The following BANK1 variants were observed in gnomAD, a reference collection of about 807,000 sequenced individuals.
The protein encoded by BANK1 is B-cell scaffold protein with ankyrin repeats.
BANK1 carries 95 observed loss-of-function variants against 94.5 expected under a neutral mutation model. That is an observed-to-expected ratio of 1.00 (90% CI 0.85 to 1.19). The LOEUF (loss-of-function observed/expected upper bound fraction) is 1.19, where lower values mean the gene tolerates loss of function less well. Among genes scored for constraint, BANK1 ranks in the 50% most tolerant of loss-of-function variants. BANK1 has a pLI of 0.00. For missense variants in BANK1, 987 were observed against 932.2 expected (o/e 1.06, Z -0.77); for synonymous variants, 334 against 308.4 (o/e 1.08, Z -0.87).
chr4:101,900,901 G>C (rs1722262047), intron 6 of BANK1, among the ~76,000 whole-genome samples: 1 of 152,164 alleles, frequency 6.6e-6, no homozygotes, highest in South Asian at 2.1e-4. Flanking sequence ...GCAAACATCT[G>C]AGTCCTACGC....
intron 9 of BANK1, among the ~76,000 whole-genome samples, chr4:102,028,401 A>G (rs1727174107): frequency 6.6e-6 from 1 of 152,234 alleles, no homozygotes; most frequent in Non-Finnish European, 1.5e-5. Flanking sequence ...TCTTAAGTTA[A>G]ACTAAATGAA....
At chr4:101,908,095 CA>C in intron 6 of BANK1, among the ~76,000 whole-genome samples, 1 of 152,276 alleles carries the variant, frequency 6.6e-6, no homozygotes, top group African/African-American at 2.4e-5. Context: ...CCCGCATTGC[CA>C]AGTCAATCCT....
intron 7 of BANK1, among the ~76,000 whole-genome samples, chr4:101,995,515 C>T (rs990706801): frequency 6.6e-5 from 10 of 151,738 alleles, no homozygotes; most frequent in Non-Finnish European, 1.3e-4. Flanking sequence ...CCTGAGGAAT[C>T]GCCACACTGA....
In BANK1 at chr4:101,918,180, A is replaced by G. The variant is rs781638589; in HGVS notation, c.1197A>G (p.Glu399=). ...ACAAAGAACTCAAGAAAATCTTCGA[A>G]GACTTTTCAGTAAGTTTTTTTTTTA... The part of the protein sequence containing the change: ...HGHKELKKIF[E]DFSIQEIDIN... The change falls in exon 7 of 17, where the codon GAA becomes GAG. Residue 399 remains glutamate (E), a synonymous_variant. Coordinates refer to ENST00000322953, the MANE Select transcript of BANK1 (RefSeq NM_017935.5). 4.5e-6 allele frequency: 7 copies of G among 1,567,968 alleles called. No homozygotes were observed. Among genetic ancestry groups the G allele is most frequent in the Non-Finnish European group, 6.1e-6 (7 of 1,154,506 alleles).
At chr4:101,982,578 A>T (rs1455558506) in intron 7 of BANK1, among the ~76,000 whole-genome samples, 3 of 152,036 alleles carry the variant, frequency 2.0e-5, no homozygotes, top group Non-Finnish European at 2.9e-5. Context: ...ATAACTTTTT[A>T]AAGCACTTTT....
chr4:101,980,814 A>G (rs759436614), intron 7 of BANK1, among the ~76,000 whole-genome samples: 42 of 151,596 alleles, frequency 2.8e-4, no homozygotes, highest in Non-Finnish European at 7.4e-5. Context: ...CATTTTTGTT[A>G]AGTTTATTTC....
intron 1 of BANK1, among the ~76,000 whole-genome samples, chr4:101,809,969 C>T (rs951542892): frequency 6.6e-6 from 1 of 152,092 alleles, no homozygotes; most frequent in Non-Finnish European, 1.5e-5. Context: ...TGCTAATCAG[C>T]TGACTTTGAG....
At chr4:101,965,188 A>G (rs1724710461) in intron 7 of BANK1, among the ~76,000 whole-genome samples, 1 of 151,954 alleles carries the variant, frequency 6.6e-6, no homozygotes, top group Non-Finnish European at 1.5e-5. Context: ...TATGTCTAAT[A>G]TTTGAAATCC....
intron 6 of BANK1, among the ~76,000 whole-genome samples, chr4:101,911,446 T>C (rs942692507): frequency 1.3e-5 from 2 of 152,316 alleles, no homozygotes; most frequent in African/African-American, 2.4e-5. Context: ...TGTTTCCTAG[T>C]ATATGATTTC....
At chr4:101,878,309 C>T (rs543393183) in intron 5 of BANK1, among the ~76,000 whole-genome samples, 49 of 152,206 alleles carry the variant, frequency 3.2e-4, no homozygotes, top group Non-Finnish European at 5.1e-4. Context: ...GGTAGTTACA[C>T]TGATAACAGA....
chr4:102,026,358 CAATTT>C (rs1275407634), intron 9 of BANK1, among the ~76,000 whole-genome samples: 3 of 149,298 alleles, frequency 2.0e-5, no homozygotes, highest in African/African-American at 5.0e-5. Context: ...CTTAAGAAGA[CAATTT>C]AGTTAAAAAA....
chr4:101,922,016 G>A (rs1407565819), intron 7 of BANK1, among the ~76,000 whole-genome samples: 1 of 145,498 alleles, frequency 6.9e-6, no homozygotes, highest in African/African-American at 2.6e-5. Flanking sequence ...GCCCGTGTGT[G>A]TGTGTGTGTG....
At chr4:101,900,514 G>C (rs1424203720) in intron 6 of BANK1, among the ~76,000 whole-genome samples, 1 of 152,184 alleles carries the variant, frequency 6.6e-6, no homozygotes, top group African/African-American at 2.4e-5. Context: ...GGAGAGGCTT[G>C]AAGGTGGCTG....
At chr4:102,048,879 C>T (rs1727962641) in intron 11 of BANK1, among the ~76,000 whole-genome samples, 1 of 152,174 alleles carries the variant, frequency 6.6e-6, no homozygotes, top group African/African-American at 2.4e-5. Context: ...GATTCTTCAA[C>T]TCAGTTTCCA....
In BANK1 at chr4:102,063,108, G is replaced by T. The variant is rs763059732; in HGVS notation, c.2182G>T (p.Gly728Trp). The T allele has an allele frequency of 5.0e-6, 8 of 1,613,476 alleles. No homozygotes were observed. The highest frequency in any genetic ancestry group is 1.7e-5 in the Admixed American group (1 of 59,988). The change falls in exon 13 of 17, where the codon GGG becomes TGG. Residue 728 changes from glycine (G) to tryptophan (W), a missense_variant. By Grantham distance (184) the Gly-to-Trp change is radical. Coordinates refer to ENST00000322953, the MANE Select transcript of BANK1 (RefSeq NM_017935.5). ...KLRQLRDCII[G>W]KRPEEENVYN... ...ACGACAACTACGAGACTGCATTATT[G>T]GGAAAAGGCCAGAAGAAGAAAATGT...
intron 7 of BANK1, among the ~76,000 whole-genome samples, chr4:101,979,800 T>G (rs1725266592): frequency 5.3e-5 from 8 of 151,908 alleles, no homozygotes; most frequent in Admixed American, 5.3e-4. Context: ...TTTTACAAAT[T>G]AATGAAGATT....
At chr4:101,950,615 A>G (rs1363647548) in intron 7 of BANK1, among the ~76,000 whole-genome samples, 1 of 152,188 alleles carries the variant, frequency 6.6e-6, no homozygotes, top group Non-Finnish European at 1.5e-5. Context: ...AAAATTCATA[A>G]CAAACATAAA....
At chr4:102,041,323 GA>G (rs1419332769) in intron 10 of BANK1, among the ~76,000 whole-genome samples, 1 of 151,996 alleles carries the variant, frequency 6.6e-6, no homozygotes, top group Non-Finnish European at 1.5e-5. Flanking sequence ...TATTCTAATG[GA>G]ATATGTGTCC....
chr4:101,822,265 G>T (rs1250982824), intron 1 of BANK1, among the ~76,000 whole-genome samples: 1 of 151,912 alleles, frequency 6.6e-6, no homozygotes, highest in Admixed American at 6.6e-5. Flanking sequence ...AGCTACTCGG[G>T]AGGCTGAGAT....
Sources: allele counts gnomAD v4.1 joint callset (sites outside exome capture counted in the v4.1 genomes callset), GRCh38; gene constraint gnomAD v4.1.1; transcripts MANE v1.5; gene names NCBI Gene and HGNC (gene_info 2026-07-23, HGNC 2026-07-21).